Variants in RALGPS1 observed in about 807,000 individuals in gnomAD.
The protein encoded by RALGPS1 is Ral GEF with PH domain and SH3 binding motif 1.
RALGPS1 carries 19 observed loss-of-function variants against 78.8 expected under a neutral mutation model. The ratio of observed to expected loss-of-function variants is 0.24; its 90% CI spans 0.17 to 0.35. RALGPS1 has a LOEUF of 0.35. Ranked by LOEUF, RALGPS1 falls within the 10% of genes least tolerant of loss-of-function variation. The pLI is 1.00. For missense variants in RALGPS1, 454 were observed against 688.3 expected, an observed-to-expected ratio of 0.66 and a Z score of 3.81; for synonymous variants, 228 against 256.3, an observed-to-expected ratio of 0.89 and a Z score of 1.06.
chr9:126,987,030 G>T (rs552536544), intron 4 of RALGPS1, among the ~76,000 whole-genome samples: 3 of 152,306 alleles, frequency 2.0e-5, no homozygotes, highest in African/African-American at 7.2e-5. Flanking sequence ...GTTTGAATAG[G>T]CACTGTGGGT....
intron 11 of RALGPS1, chr9:127,178,255 A>G (rs1236530409): frequency 5.5e-6 from 2 of 364,542 alleles, no homozygotes; most frequent in African/African-American, 2.1e-5. Flanking sequence ...TCCAATAGAA[A>G]GCTGGGGGCA....
At chr9:127,088,856 A>G in intron 8 of RALGPS1, 1 of 1,506,346 alleles carries the variant, frequency 6.6e-7, no homozygotes, top group Non-Finnish European at 9.2e-7. Flanking sequence ...TGAACTGGTG[A>G]GGAGTTGTTC....
intron 4 of RALGPS1, among the ~76,000 whole-genome samples, chr9:126,985,694 C>T (rs2041734402): frequency 1.3e-5 from 2 of 152,222 alleles, no homozygotes; most frequent in African/African-American, 4.8e-5. Context: ...TGTCTTCTCT[C>T]TTTCCTACTA....
chr9:126,970,780 A>G (rs1288058377), intron 3 of RALGPS1, among the ~76,000 whole-genome samples: 2 of 152,242 alleles, frequency 1.3e-5, no homozygotes, highest in African/African-American at 4.8e-5. Context: ...CTAATTTTGC[A>G]TAAACATAAG....
At position 127,100,747 on chromosome 9, in the gene RALGPS1, A is replaced by G. The variant is rs546010350; in HGVS notation, c.610+31391A>G. Among the ~76,000 whole-genome samples, 78 of 152,296 alleles carry G rather than the reference A, an allele frequency of 5.1e-4. 2 individuals carry two copies. Among genetic ancestry groups the G allele is most frequent in the South Asian group, 1.2e-3 (6 of 4,830 alleles). On this transcript the variant is annotated intron_variant, in intron 8 of 18. Transcript: ENST00000259351. ...AGAACTTATCAGACCCATGACTACAATCCACAGATATGGACAGGTAGCAGT... is the reference window on the plus strand; with the variant it reads ...AGAACTTATCAGACCCATGACTACAGTCCACAGATATGGACAGGTAGCAGT...
chr9:127,074,407 T>G (rs1360793030), intron 8 of RALGPS1, among the ~76,000 whole-genome samples: 2 of 152,230 alleles, frequency 1.3e-5, no homozygotes, highest in Non-Finnish European at 2.9e-5. Context: ...GTCTTTCTAC[T>G]TGGTTACTGG....
At chr9:127,177,998 G>T in intron 11 of RALGPS1, 1 of 1,538,116 alleles carries the variant, frequency 6.5e-7, no homozygotes, top group South Asian at 1.2e-5. Flanking sequence ...AGACTTTAAT[G>T]AACAGAACCA....
At position 127,218,819 on chromosome 9, in the gene RALGPS1, G is replaced by A; in HGVS notation, c.*50G>A. 1 of 1,589,208 alleles carries A rather than the reference G, an allele frequency of 6.3e-7. No individual in the cohort carries two copies. The highest frequency in any genetic ancestry group is 1.1e-5 in the South Asian group (1 of 90,580). Reference sequence around the variant, plus strand: ...TCAGAGGCTTCTGGGAACCCAGGCTGGGCCTGGTGGTGAAGAGCAGTCCTG... The same window carrying A: ...TCAGAGGCTTCTGGGAACCCAGGCTAGGCCTGGTGGTGAAGAGCAGTCCTG... On this transcript the variant is annotated 3_prime_UTR_variant, in exon 19 of 19. Coordinates refer to ENST00000259351, the MANE Select transcript of RALGPS1 (RefSeq NM_014636.3). This position sits in a 1 kb window ranked among gnomAD's most constrained non-coding sequence, Gnocchi z 4.4.
intron 8 of RALGPS1, among the ~76,000 whole-genome samples, chr9:127,147,349 T>C (rs1245555891): frequency 1.3e-5 from 2 of 152,248 alleles, no homozygotes; most frequent in African/African-American, 4.8e-5. Flanking sequence ...TGTTGATAGT[T>C]TATTTTGCTG....
intron 14 of RALGPS1, among the ~76,000 whole-genome samples, chr9:127,209,494 C>T (rs934055963): frequency 7.2e-5 from 11 of 152,232 alleles, no homozygotes; most frequent in Non-Finnish European, 1.3e-4. Flanking sequence ...TGTGCTACAG[C>T]TCAGTATGGG....
chr9:127,048,329 C>G (rs2047996049), intron 5 of RALGPS1, among the ~76,000 whole-genome samples: 3 of 152,224 alleles, frequency 2.0e-5, no homozygotes, highest in African/African-American at 7.2e-5. Context: ...ACCCATCTTT[C>G]AAGGCCTATC....
At chr9:126,956,107 A>G (rs553356923) in intron 1 of RALGPS1, among the ~76,000 whole-genome samples, 3 of 152,128 alleles carry the variant, frequency 2.0e-5, no homozygotes, top group Non-Finnish European at 4.4e-5. Flanking sequence ...ACCTTAGCTT[A>G]GTTGACCAGC....
intron 8 of RALGPS1, among the ~76,000 whole-genome samples, chr9:127,119,789 A>T (rs2055852331): frequency 6.6e-6 from 1 of 152,138 alleles, no homozygotes; most frequent in Admixed American, 6.5e-5. Context: ...AGACTGCCTC[A>T]TTAGTAGTAA....
intron 13 of RALGPS1, among the ~76,000 whole-genome samples, chr9:127,198,548 G>T (rs935152348): frequency 6.6e-6 from 1 of 152,216 alleles, no homozygotes; most frequent in African/African-American, 2.4e-5. Context: ...GTCTGCAGGG[G>T]CTCTCCCTTG....
intron 5 of RALGPS1, 39 bp downstream of exon 5, chr9:127,034,553 A>G (rs1689076865): frequency 1.3e-6 from 2 of 1,568,118 alleles, no homozygotes. Flanking sequence ...CCAGAGAGCA[A>G]TCTGCTGCTG....
intron 5 of RALGPS1, among the ~76,000 whole-genome samples, chr9:127,041,472 ATGAG>A (rs1171474757): frequency 6.6e-6 from 1 of 152,174 alleles, no homozygotes; most frequent in Admixed American, 6.5e-5. Context: ...CCAGCAATGA[ATGAG>A]TGTGTGGCTT....
intron 8 of RALGPS1, among the ~76,000 whole-genome samples, chr9:127,157,431 T>C (rs1203498699): frequency 6.6e-6 from 1 of 152,100 alleles, no homozygotes; most frequent in Non-Finnish European, 1.5e-5. Context: ...TTCTTATGAA[T>C]TGTGCCTTTA....
At chr9:127,104,006 C>T (rs1269559771) in intron 8 of RALGPS1, among the ~76,000 whole-genome samples, 1 of 152,158 alleles carries the variant, frequency 6.6e-6, no homozygotes, top group East Asian at 1.9e-4. Flanking sequence ...CAATATCCTG[C>T]AAGGTACAAG....
intron 8 of RALGPS1, among the ~76,000 whole-genome samples, chr9:127,131,796 A>G (rs2057021865): frequency 6.6e-6 from 1 of 152,148 alleles, no homozygotes; most frequent in African/African-American, 2.4e-5. Flanking sequence ...TGCTTGAGAT[A>G]TGCATAGCAG....
Sources: allele counts gnomAD v4.1 joint callset (sites outside exome capture counted in the v4.1 genomes callset), GRCh38; gene constraint gnomAD v4.1.1; non-coding constraint Gnocchi (gnomAD v3.1); transcripts MANE v1.5; gene names NCBI Gene and HGNC (gene_info 2026-07-23, HGNC 2026-07-21).